ASIC2: variants seen among roughly 807,000 people sequenced by gnomAD.
ASIC2 encodes the protein acid-sensing ion channel 2.
Under a neutral mutation model 57.3 loss-of-function variants are expected in ASIC2, and 25 were observed. The ratio of observed to expected loss-of-function variants is 0.44; its 90% CI spans 0.32 to 0.61. The LOEUF (loss-of-function observed/expected upper bound fraction) is 0.61. Ranked by LOEUF, ASIC2 falls within the 20% of genes least tolerant of loss-of-function variation. The pLI is 0.06. For synonymous variants in ASIC2, 319 were observed against 307.5 expected, an observed-to-expected ratio of 1.04 and a Z score of -0.39; for missense variants, 641 against 738.1, an observed-to-expected ratio of 0.87 and a Z score of 1.52.
chr17:33,321,911 C>T (rs1487597730), intron 1 of ASIC2, among the ~76,000 whole-genome samples: 1 of 152,190 alleles, frequency 6.6e-6, no homozygotes, highest in Non-Finnish European at 1.5e-5. Context: ...AGACATTTCA[C>T]AGCATTAGAA....
At chr17:33,535,153 T>C (rs1209802459) in intron 1 of ASIC2, among the ~76,000 whole-genome samples, 1 of 152,160 alleles carries the variant, frequency 6.6e-6, no homozygotes, top group African/African-American at 2.4e-5. Flanking sequence ...TTGCAAAGAC[T>C]GAATCTGTGT....
intron 1 of ASIC2, among the ~76,000 whole-genome samples, chr17:34,126,026 A>G (rs1911771107): frequency 6.6e-6 from 1 of 152,162 alleles, no homozygotes; most frequent in Non-Finnish European, 1.5e-5. Context: ...TTTCTGCTCA[A>G]TGAAGTGTGA....
chr17:34,126,401 C>A (rs1042474367), intron 1 of ASIC2, among the ~76,000 whole-genome samples: 1 of 152,190 alleles, frequency 6.6e-6, no homozygotes. Flanking sequence ...ATAAATAAAG[C>A]ACCCCAGAGG....
chr17:33,199,044 G>A (rs1329903250), intron 1 of ASIC2, among the ~76,000 whole-genome samples: 1 of 152,196 alleles, frequency 6.6e-6, no homozygotes, highest in Admixed American at 6.5e-5. Context: ...CCAGTTAAAA[G>A]TAGGATAAAT....
At chr17:33,308,821 T>C (rs1008319031) in intron 1 of ASIC2, among the ~76,000 whole-genome samples, 1 of 151,662 alleles carries the variant, frequency 6.6e-6, no homozygotes, top group African/African-American at 2.4e-5. Flanking sequence ...AAAGTGCCTT[T>C]TTTTGTGAAA....
chr17:34,040,224 C>T (rs1257621173), intron 1 of ASIC2, among the ~76,000 whole-genome samples: 1 of 144,920 alleles, frequency 6.9e-6, no homozygotes, highest in Non-Finnish European at 1.5e-5. Flanking sequence ...GGGGCCCGCT[C>T]GGCTGGGGGC....
chr17:33,837,109 T>C (rs537853865), intron 1 of ASIC2, among the ~76,000 whole-genome samples: 57 of 152,258 alleles, frequency 3.7e-4, no homozygotes, highest in Non-Finnish European at 7.2e-4. Flanking sequence ...AGTGTGGATT[T>C]TCTGGGCTTC....
intron 1 of ASIC2, among the ~76,000 whole-genome samples, chr17:33,320,684 G>A (rs1391152737): frequency 1.3e-5 from 2 of 152,160 alleles, no homozygotes; most frequent in African/African-American, 4.8e-5. Flanking sequence ...GAACTCTTAA[G>A]CCATGATGTG....
intron 2 of ASIC2, among the ~76,000 whole-genome samples, chr17:33,096,304 T>G (rs2092179306): frequency 6.6e-6 from 1 of 152,210 alleles, no homozygotes; most frequent in Non-Finnish European, 1.5e-5. Flanking sequence ...CCTCACTCCC[T>G]GGAGTTATGC....
intron 1 of ASIC2, among the ~76,000 whole-genome samples, chr17:33,136,367 A>G (rs766868691): frequency 6.6e-6 from 1 of 152,260 alleles, no homozygotes; most frequent in Non-Finnish European, 1.5e-5. Context: ...TAAAACAAGT[A>G]ATGACAATAA....
chr17:34,092,804 C>T (rs1910380182), intron 1 of ASIC2, among the ~76,000 whole-genome samples: 1 of 152,150 alleles, frequency 6.6e-6, no homozygotes, highest in Admixed American at 6.5e-5. Flanking sequence ...CAATACTCTC[C>T]CCATCCTTCA....
chr17:33,472,923 G>T (rs1913102872), intron 1 of ASIC2, among the ~76,000 whole-genome samples: 2 of 152,154 alleles, frequency 1.3e-5, no homozygotes, highest in Admixed American at 1.3e-4. Context: ...CCTATTTGTT[G>T]TACTTCCCAA....
intron 1 of ASIC2, among the ~76,000 whole-genome samples, chr17:33,723,691 G>A (rs1909456379): frequency 6.6e-6 from 1 of 152,200 alleles, no homozygotes; most frequent in Non-Finnish European, 1.5e-5. Context: ...ATTAAAGTCA[G>A]AGTAATGGTG....
intron 1 of ASIC2, among the ~76,000 whole-genome samples, chr17:33,678,585 G>A (rs1349195699): frequency 6.6e-6 from 1 of 151,990 alleles, no homozygotes; most frequent in Non-Finnish European, 1.5e-5. Context: ...GTCCACAGCC[G>A]ATCACTACAC....
At chr17:33,699,057 A>G (rs1195304808) in intron 1 of ASIC2, among the ~76,000 whole-genome samples, 2 of 152,324 alleles carry the variant, frequency 1.3e-5, no homozygotes, top group East Asian at 3.9e-4. Context: ...CTGTTCAGAA[A>G]TGAAACTCAT....
At chr17:33,334,534 T>A (rs1907439139) in intron 1 of ASIC2, among the ~76,000 whole-genome samples, 1 of 152,222 alleles carries the variant, frequency 6.6e-6, no homozygotes, top group Admixed American at 6.5e-5. Flanking sequence ...AGCCATCTAG[T>A]CTGTCCCAAA....
At chr17:33,394,577 T>C (rs1017070275) in intron 1 of ASIC2, among the ~76,000 whole-genome samples, 1 of 151,978 alleles carries the variant, frequency 6.6e-6, no homozygotes, top group Non-Finnish European at 1.5e-5. Context: ...AGAGAAGAGG[T>C]TCAGAGACTA....
At chr17:33,727,123 A>T (rs1909585310) in intron 1 of ASIC2, among the ~76,000 whole-genome samples, 1 of 152,152 alleles carries the variant, frequency 6.6e-6, no homozygotes, top group African/African-American at 2.4e-5. Flanking sequence ...TGTACTCCTA[A>T]ATGGAACTCT....
intron 1 of ASIC2, among the ~76,000 whole-genome samples, chr17:33,742,342 T>G (rs1310983065): frequency 6.6e-6 from 1 of 152,136 alleles, no homozygotes; most frequent in East Asian, 1.9e-4. Context: ...TCCCTCTCAT[T>G]TTTTTTCTAA....
Sources: gnomAD v4.1 joint callset for allele counts (sites outside exome capture counted in the v4.1 genomes callset) on GRCh38, gnomAD v4.1.1 for gene constraint, MANE v1.5 for transcripts, NCBI Gene and HGNC (gene_info 2026-07-23, HGNC 2026-07-21) for gene names.